Variants in EBF3 observed in about 807,000 individuals in gnomAD.
The protein encoded by EBF3 is transcription factor COE3.
In EBF3, 18 loss-of-function variants were observed where a neutral mutation model predicts 77.1. That is an observed-to-expected ratio of 0.23 (90% CI 0.16 to 0.35). The LOEUF (loss-of-function observed/expected upper bound fraction) is 0.35, where lower values mean the gene tolerates loss of function less well. Ranked by LOEUF, EBF3 falls within the 10% of genes least tolerant of loss-of-function variation. EBF3 has a pLI of 1.00. For synonymous variants in EBF3, 350 were observed against 343.5 expected (o/e 1.02, Z -0.21); for missense variants, 558 against 860.0 (o/e 0.65, Z 4.39).
At chr10:129,930,636 A>T (rs1330843426) in intron 6 of EBF3, among the ~76,000 whole-genome samples, 3 of 146,740 alleles carry the variant, frequency 2.0e-5, no homozygotes, top group African/African-American at 7.6e-5. Flanking sequence ...ATCTATCTCT[A>T]TATTAACAAA....
At chr10:129,914,627 C>T (rs1338394895) in intron 6 of EBF3, among the ~76,000 whole-genome samples, 2 of 152,156 alleles carry the variant, frequency 1.3e-5, no homozygotes, top group African/African-American at 2.4e-5. Flanking sequence ...GAGCCCTGGG[C>T]AGCAGGGGCC....
intron 10 of EBF3, among the ~76,000 whole-genome samples, chr10:129,856,189 G>A (rs1851240068): frequency 6.6e-6 from 1 of 152,172 alleles, no homozygotes; most frequent in Non-Finnish European, 1.5e-5. Flanking sequence ...AGTAATGCAG[G>A]CCCCTTGGAG....
At chr10:129,849,685 T>G (rs1028103329) in intron 10 of EBF3, among the ~76,000 whole-genome samples, 2 of 152,224 alleles carry the variant, frequency 1.3e-5, no homozygotes, top group African/African-American at 4.8e-5. Flanking sequence ...CAATATGATT[T>G]GACATTCCAT....
At chr10:129,873,646 G>A (rs755027229) in intron 7 of EBF3, 50 bp from the exon 8 acceptor site, 3 of 1,448,066 alleles carry the variant, frequency 2.1e-6, no homozygotes, top group Non-Finnish European at 2.7e-6. Flanking sequence ...GAAAAGCAGA[G>A]CCCCCTGTTA....
intron 10 of EBF3, among the ~76,000 whole-genome samples, chr10:129,855,942 T>C (rs1052168693): frequency 6.6e-6 from 1 of 151,800 alleles, no homozygotes; most frequent in African/African-American, 2.4e-5. Flanking sequence ...GAAAAAGGAG[T>C]TGGCAAAGCC....
intron 6 of EBF3, among the ~76,000 whole-genome samples, chr10:129,911,715 A>G (rs1855536980): frequency 6.6e-6 from 1 of 152,118 alleles, no homozygotes; most frequent in Non-Finnish European, 1.5e-5. Flanking sequence ...AAGCACTGCT[A>G]TGGAAAACAG....
Position 129,963,451 on chromosome 10 carries a change from G to A in EBF3, c.207C>T (p.His69=). Residue 69 remains histidine (H), a synonymous_variant, in exon 2 of 17, where the codon CAC becomes CAT. Transcript: ENST00000440978. The surrounding 1 kb of genome is among the most constrained non-coding windows in gnomAD (Gnocchi z 7.1). ...PSNLRKSNFF[H]FVLALYDRQG... ...GCCTATCGTAGAGCGCCAGCACGAA[G>A]TGGAAGAAATTGGATTTCCGGAGGT... The A allele has an allele frequency of 1.9e-6, 3 of 1,590,980 alleles. No individual in the cohort carries two copies. Among genetic ancestry groups the A allele is most frequent in the Non-Finnish European group, 1.7e-6 (2 of 1,168,774 alleles).
chr10:129,882,047 C>A (rs1331553154), intron 6 of EBF3, among the ~76,000 whole-genome samples: 2 of 152,250 alleles, frequency 1.3e-5, no homozygotes, highest in Non-Finnish European at 2.9e-5. Flanking sequence ...GGAGCCCAAT[C>A]TAGGTATCAC....
At chr10:129,884,620 C>A (rs1428652541) in intron 6 of EBF3, among the ~76,000 whole-genome samples, 2 of 152,210 alleles carry the variant, frequency 1.3e-5, no homozygotes, top group African/African-American at 4.8e-5. Flanking sequence ...GGGCGGCAAG[C>A]TTGAATTTTA....
intron 5 of EBF3, among the ~76,000 whole-genome samples, chr10:129,958,138 G>A (rs1021642319): frequency 1.3e-5 from 2 of 152,220 alleles, no homozygotes; most frequent in Non-Finnish European, 2.9e-5. Flanking sequence ...TACCTGATAT[G>A]AGAAAAAGTC....
At chr10:129,925,697 A>G (rs1393758669) in intron 6 of EBF3, among the ~76,000 whole-genome samples, 1 of 152,140 alleles carries the variant, frequency 6.6e-6, no homozygotes, top group Non-Finnish European at 1.5e-5. Flanking sequence ...AATGGTTACA[A>G]TGATAAATTT....
chr10:129,894,745 G>A (rs1854253652), intron 6 of EBF3, among the ~76,000 whole-genome samples: 1 of 152,228 alleles, frequency 6.6e-6, no homozygotes, highest in Non-Finnish European at 1.5e-5. Flanking sequence ...CCTCCACAGA[G>A]CCTATTCTAA....
chr10:129,885,658 T>C lies in EBF3; in HGVS notation c.555-7809A>G, dbSNP rs1853522771. 1.3e-5 allele frequency among the ~76,000 whole-genome samples: 2 copies of C among 152,168 alleles called. No homozygotes were observed. The highest frequency in any genetic ancestry group is 1.3e-4 in the Admixed American group (2 of 15,270). ...TATTTCCCCAGCAGATCACGCGCCCTGTCAATCAGTCTGTATTTTGTCTTT... is the reference window on the plus strand; with the variant it reads ...TATTTCCCCAGCAGATCACGCGCCCCGTCAATCAGTCTGTATTTTGTCTTT... On this transcript the variant is annotated intron_variant, in intron 6 of 16. Coordinates refer to ENST00000440978, the MANE Select transcript of EBF3 (RefSeq NM_001375380.1). The surrounding 1 kb of genome is among the most constrained non-coding windows in gnomAD (Gnocchi z 4.0).
chr10:129,911,474 A>C (rs1325319826), intron 6 of EBF3, among the ~76,000 whole-genome samples: 1 of 151,930 alleles, frequency 6.6e-6, no homozygotes, highest in East Asian at 1.9e-4. Context: ...TCCATTCTCC[A>C]ATCACTTCCC....
chr10:129,911,676 C>T (rs1275521827), intron 6 of EBF3, among the ~76,000 whole-genome samples: 2 of 152,108 alleles, frequency 1.3e-5, no homozygotes, highest in African/African-American at 4.8e-5. Context: ...GACAGTTAGC[C>T]GACCTGTCAT....
At chr10:129,898,668 G>A (rs1423840652) in intron 6 of EBF3, among the ~76,000 whole-genome samples, 1 of 152,242 alleles carries the variant, frequency 6.6e-6, no homozygotes, top group African/African-American at 2.4e-5. Context: ...TTAATGTGCA[G>A]TTTGATGTTT....
At chr10:129,917,107 G>A (rs922570702) in intron 6 of EBF3, among the ~76,000 whole-genome samples, 3 of 150,648 alleles carry the variant, frequency 2.0e-5, no homozygotes, top group Non-Finnish European at 3.0e-5. Context: ...AGCAGTTCAC[G>A]CCTGTAATTC....
chr10:129,896,079 C>T (rs1854349983), intron 6 of EBF3, among the ~76,000 whole-genome samples: 1 of 146,432 alleles, frequency 6.8e-6, no homozygotes. Flanking sequence ...AGTCCTGACG[C>T]ATGCAATTTC....
At chr10:129,872,480 C>A (rs1852467867) in intron 8 of EBF3, among the ~76,000 whole-genome samples, 1 of 152,194 alleles carries the variant, frequency 6.6e-6, no homozygotes, top group Admixed American at 6.5e-5. Flanking sequence ...ATAATCTGCA[C>A]ACGCTTCATT....
Sources: gnomAD v4.1 joint callset for allele counts (sites outside exome capture counted in the v4.1 genomes callset) on GRCh38, gnomAD v4.1.1 for gene constraint, Gnocchi (gnomAD v3.1) non-coding constraint, MANE v1.5 for transcripts, NCBI Gene and HGNC (gene_info 2026-07-23, HGNC 2026-07-21) for gene names.